The following CDYL variants were observed in gnomAD, a reference collection of about 807,000 sequenced individuals.
CDYL encodes the protein chromodomain Y like.
A neutral mutation model predicts 47.3 loss-of-function variants in CDYL; 8 were observed. That is an observed-to-expected ratio of 0.17 (90% confidence interval 0.10 to 0.31). CDYL has a LOEUF of 0.31. CDYL is among the 10% of genes least tolerant of loss of function. CDYL has a pLI of 1.00. For synonymous variants in CDYL, 266 were observed against 265.0 expected, an observed-to-expected ratio of 1.00 and a Z score of -0.04; for missense variants, 471 against 701.4, an observed-to-expected ratio of 0.67 and a Z score of 3.71.
chr6:4,770,517 G>C (rs1202541478), intron 3 of CDYL, among the ~76,000 whole-genome samples: 1 of 152,178 alleles, frequency 6.6e-6, no homozygotes, highest in African/African-American at 2.4e-5. Flanking sequence ...AACAGGGTAA[G>C]TGCTTCTTGT....
At position 4,706,432 on chromosome 6, in the gene CDYL, T is replaced by C. The variant is rs188253871; in HGVS notation, c.-39+181T>C. On this transcript the variant is annotated intron_variant, in intron 1 of 8. Coordinates refer to the CDYL transcript ENST00000328908. ...GTAACTTTAAGAGTTTGGGTGGTTT[T>C]TTTTTCTTTTCATTTGTTTGTTTGT... is the stretch of plus-strand genomic sequence containing the variant. Among the ~76,000 whole-genome samples, 750 of 152,162 alleles carry C rather than the reference T, an allele frequency of 4.9e-3. 11 individuals carry two copies. Among genetic ancestry groups the C allele is most frequent in the African/African-American group, 0.017 (701 of 41,550 alleles).
intron 1 of CDYL, among the ~76,000 whole-genome samples, chr6:4,715,064 T>G (rs555781878): frequency 6.6e-6 from 1 of 152,316 alleles, no homozygotes; most frequent in South Asian, 2.1e-4. Context: ...ATGGCATGTT[T>G]CCATAAACCC....
chr6:4,938,608 A>G (rs1042585230), intron 4 of CDYL, among the ~76,000 whole-genome samples: 3 of 152,098 alleles, frequency 2.0e-5, no homozygotes, highest in African/African-American at 7.2e-5. Context: ...CTTAAAATCT[A>G]CTCTCAGCAA....
intron 1 of CDYL, among the ~76,000 whole-genome samples, chr6:4,868,105 T>C (rs1164928364): frequency 1.3e-5 from 2 of 151,910 alleles, no homozygotes; most frequent in African/African-American, 4.8e-5. Context: ...TGCTGCTGAA[T>C]TGATTTATAC....
At chr6:4,737,037 T>C (rs1248151412) in intron 3 of CDYL, among the ~76,000 whole-genome samples, 3 of 152,094 alleles carry the variant, frequency 2.0e-5, no homozygotes, top group Non-Finnish European at 4.4e-5. Flanking sequence ...CTGCTAACAG[T>C]GATTACCTCT....
upstream of CDYL, chr6:4,772,875 T>G (rs1020023001): frequency 2.9e-6 from 1 of 339,200 alleles, no homozygotes; most frequent in Non-Finnish European, 5.8e-6. Context: ...TAGCTAGATT[T>G]TGGCTTCTTT....
At position 4,751,150 on chromosome 6, in the gene CDYL, T is replaced by C. The variant is rs144168492; in HGVS notation, c.186+16306T>C. ...GATTACAGGCGTGAGCCACTGCGCC[T>C]GGCCAAAATACTCTTTTTAATGGTT... On this transcript the variant is annotated intron_variant, in intron 3 of 8. Coordinates refer to the CDYL transcript ENST00000328908. Among the ~76,000 whole-genome samples the C allele has an allele frequency of 6.1e-3, 928 of 152,324 alleles. 15 individuals carry two copies. Among genetic ancestry groups the C allele is most frequent in the African/African-American group, 0.021 (889 of 41,578 alleles).
chr6:4,832,117 A>G (rs1458655841), intron 1 of CDYL, among the ~76,000 whole-genome samples: 56 of 142,646 alleles, frequency 3.9e-4, no homozygotes, highest in South Asian at 6.8e-4. Context: ...ACTATGTTGA[A>G]TAGGAGTGGT....
intron 2 of CDYL, among the ~76,000 whole-genome samples, chr6:4,893,601 A>G (rs913631333): frequency 6.6e-6 from 1 of 152,072 alleles, no homozygotes; most frequent in Non-Finnish European, 1.5e-5. Flanking sequence ...GGTGAGGCAC[A>G]AGAATCGCTT....
chr6:4,749,483 GATGGATGAATGA>G (rs1378929566), intron 3 of CDYL, among the ~76,000 whole-genome samples: 1 of 79,782 alleles, frequency 1.3e-5, no homozygotes, highest in African/African-American at 3.0e-5. Flanking sequence ...TGGATGAATG[GATGGATGAATGA>G]ATGGAAGGAT....
intron 4 of CDYL, among the ~76,000 whole-genome samples, chr6:4,942,951 G>A (rs1356198839): frequency 6.6e-6 from 1 of 152,206 alleles, no homozygotes; most frequent in African/African-American, 2.4e-5. Flanking sequence ...TGACACTCTT[G>A]TCTCTGTATC....
At chr6:4,813,382 A>G (rs1039652139) in intron 1 of CDYL, among the ~76,000 whole-genome samples, 1 of 152,204 alleles carries the variant, frequency 6.6e-6, no homozygotes, top group Non-Finnish European at 1.5e-5. Flanking sequence ...ACTTTTTAAA[A>G]TCATGAGTGG....
intron 2 of CDYL, among the ~76,000 whole-genome samples, chr6:4,724,023 G>C (rs955418101): frequency 6.6e-6 from 1 of 152,182 alleles, no homozygotes; most frequent in African/African-American, 2.4e-5. Context: ...GCTAGTTTGA[G>C]TCCTGCATCT....
chr6:4,719,082 C>A (rs972990906), intron 2 of CDYL, among the ~76,000 whole-genome samples: 1 of 152,138 alleles, frequency 6.6e-6, no homozygotes, highest in African/African-American at 2.4e-5. Flanking sequence ...CACCACCACA[C>A]CTGGCTAATT....
In CDYL at chr6:4,733,824, TTTTTCTTTTTC is replaced by T. The variant is rs1757652633; in HGVS notation, c.104-928_104-918del. ...TCTTCTCCTCTCTCTCTGCAGTTTC[TTTTTCTTTTTC>T]TTTTCTTTTCTTCTTCTTTTTTTTT... is the stretch of plus-strand genomic sequence containing the variant. On this transcript the variant is annotated intron_variant, in intron 2 of 8. Transcript: ENST00000328908. Among the ~76,000 whole-genome samples, 3 of 147,860 alleles carry T rather than the reference TTTTTCTTTTTC, an allele frequency of 2.0e-5. No homozygotes were observed. The South Asian group carries it at 6.4e-4, about 32-fold the overall frequency.
At chr6:4,880,270 A>G (rs1463169731) in intron 1 of CDYL, among the ~76,000 whole-genome samples, 1 of 152,142 alleles carries the variant, frequency 6.6e-6, no homozygotes, top group Non-Finnish European at 1.5e-5. Flanking sequence ...GTATAGTTTA[A>G]GTCATATAGT....
At chr6:4,923,919 C>CA (rs1185001549) in intron 2 of CDYL, among the ~76,000 whole-genome samples, 127 of 112,788 alleles carry the variant, frequency 1.1e-3, no homozygotes, top group South Asian at 1.5e-3. Context: ...AAAAAAAAAT[C>CA]AAAAAAAAAA....
At chr6:4,918,257 A>G (rs1218737206) in intron 2 of CDYL, among the ~76,000 whole-genome samples, 1 of 151,974 alleles carries the variant, frequency 6.6e-6, no homozygotes, top group Non-Finnish European at 1.5e-5. Flanking sequence ...GAATTATACC[A>G]TGTCGATAGC....
rs138730678 is a variant in CDYL, at chr6:4,798,913, C to T, written c.24+22106C>T. On this transcript the variant is annotated intron_variant, in intron 1 of 6. Transcript: ENST00000397588. ...AAAGTTGTATCTTTAAAGGAATTTACCTCATCTAAAATGTTGCGTTCATTA... is the reference window on the plus strand; with the variant it reads ...AAAGTTGTATCTTTAAAGGAATTTATCTCATCTAAAATGTTGCGTTCATTA... Among the ~76,000 whole-genome samples the T allele has an allele frequency of 1.4e-4, 22 of 152,304 alleles. No homozygotes were observed. In the East Asian group the frequency reaches 4.0e-3, roughly 28 times the overall value.
Sources: allele counts gnomAD v4.1 joint callset (sites outside exome capture counted in the v4.1 genomes callset), GRCh38; gene constraint gnomAD v4.1.1; transcripts MANE v1.5; gene names NCBI Gene and HGNC (gene_info 2026-07-23, HGNC 2026-07-21).